SUFU: variants seen among roughly 807,000 people sequenced by gnomAD.
The protein encoded by SUFU is SUFU negative regulator of hedgehog signaling.
A neutral mutation model predicts 58.9 loss-of-function variants in SUFU; 7 were observed. The observed-to-expected ratio is 0.12, with a 90% CI of 0.07 to 0.22. The LOEUF is 0.22. SUFU is among the 10% of genes least tolerant of loss of function. The pLI, the probability that SUFU is intolerant of heterozygous loss-of-function variation, is 1.00. For synonymous variants in SUFU, 232 were observed against 254.8 expected (o/e 0.91, Z 0.85); for missense variants, 451 against 641.3 (o/e 0.70, Z 3.20).
At chr10:102,585,676 TTTTG>T (rs899321554) in intron 3 of SUFU, among the ~76,000 whole-genome samples, 1 of 151,760 alleles carries the variant, frequency 6.6e-6, no homozygotes, top group Non-Finnish European at 1.5e-5. Context: ...CCAGCTAATT[TTTTG>T]TTTGTTTGTT....
rs2063722853 is a variant in SUFU, at chr10:102,619,588, C to A, written c.1296+2160C>A. 2 of 844,526 alleles carry A rather than the reference C, an allele frequency of 2.4e-6. No homozygotes were observed. The highest frequency in any genetic ancestry group is 1.1e-4 in the South Asian group (2 of 19,040). The allele number at this position is 844,526 out of a possible 1,614,324, so 52.3% of individuals were successfully genotyped here. ...CCCACCCTTGATCACCGAGGGGTTT[C>A]TCAGGCCCTTTCCAAGGAGCCCTGG... is the stretch of plus-strand genomic sequence containing the variant. On this transcript the variant is annotated intron_variant, in intron 10 of 11. Transcript: ENST00000369902. The surrounding 1 kb of genome is among the most constrained non-coding windows in gnomAD (Gnocchi z 4.2).
chr10:102,571,894 G>T (rs1024557573), intron 3 of SUFU, among the ~76,000 whole-genome samples: 2 of 152,124 alleles, frequency 1.3e-5, no homozygotes, highest in Admixed American at 1.3e-4. Flanking sequence ...CCCTGGAGAA[G>T]AATATGCTTC....
chr10:102,516,125 C>CTTTTTTTTTTTTTTTTTTTTTTTTTT (rs60544094), intron 2 of SUFU, among the ~76,000 whole-genome samples: 2 of 125,584 alleles, frequency 1.6e-5, no homozygotes, highest in Non-Finnish European at 3.3e-5. Context: ...TCTTTCTTTT[C>CTTTTTTTTTTTTTTTTTTTTTTTTTT]TTTTTTTTTT....
chr10:102,564,457 T>C (rs1296244977), intron 3 of SUFU, among the ~76,000 whole-genome samples: 1 of 152,102 alleles, frequency 6.6e-6, no homozygotes, highest in Non-Finnish European at 1.5e-5. Flanking sequence ...CTCAGATTCC[T>C]GAGTAGCTGG....
At chr10:102,559,862 G>T (rs1047680259) in intron 3 of SUFU, among the ~76,000 whole-genome samples, 4 of 152,158 alleles carry the variant, frequency 2.6e-5, no homozygotes, top group African/African-American at 9.7e-5. Flanking sequence ...TAGGAAAAAC[G>T]TATCTCCCCA....
intron 2 of SUFU, among the ~76,000 whole-genome samples, chr10:102,531,758 G>A (rs2062680113): frequency 6.6e-6 from 1 of 152,150 alleles, no homozygotes; most frequent in Non-Finnish European, 1.5e-5. Context: ...CTAGTGGTTG[G>A]CCTGGCTGTC....
At chr10:102,548,172 T>TA (rs953395775) in intron 2 of SUFU, among the ~76,000 whole-genome samples, 7 of 149,206 alleles carry the variant, frequency 4.7e-5, no homozygotes, top group Non-Finnish European at 1.0e-4. Context: ...ACATAGATGA[T>TA]AGAGAGATAG....
At chr10:102,572,677 C>T in intron 3 of SUFU, 2 of 597,192 alleles carry the variant, frequency 3.3e-6, no homozygotes, top group South Asian at 3.2e-5. Flanking sequence ...TGTGAGTGAG[C>T]CACCATGCCC....
Position 102,619,634 on chromosome 10 carries a change from C to G in SUFU, c.1296+2206C>G, listed in dbSNP as rs1032129777. Among the ~76,000 whole-genome samples, 1 of 152,174 alleles carries G rather than the reference C, an allele frequency of 6.6e-6. No individual in the cohort carries two copies. Among genetic ancestry groups the G allele is most frequent in the Admixed American group, 6.5e-5 (1 of 15,286 alleles). On this transcript the variant is annotated intron_variant, in intron 10 of 11. Coordinates refer to ENST00000369902, the MANE Select transcript of SUFU (RefSeq NM_016169.4). The surrounding 1 kb of genome is among the most constrained non-coding windows in gnomAD (Gnocchi z 4.2). ...CCTGGGAAACCCTCTGACCCTGCCC[C>G]CAGCCGGATTCTCAGCAGTGGAGCC...
chr10:102,568,244 G>A (rs2063113321), intron 3 of SUFU, among the ~76,000 whole-genome samples: 1 of 151,254 alleles, frequency 6.6e-6, no homozygotes, highest in South Asian at 2.1e-4. Context: ...GATTATACAT[G>A]CTGAAAAGAA....
intron 3 of SUFU, among the ~76,000 whole-genome samples, chr10:102,585,346 G>C (rs1396833672): frequency 1.3e-5 from 2 of 152,126 alleles, no homozygotes; most frequent in Non-Finnish European, 2.9e-5. Flanking sequence ...ATTATGACTG[G>C]CTTTTTTCAC....
At chr10:102,543,986 C>G (rs1220525830) in intron 2 of SUFU, among the ~76,000 whole-genome samples, 1 of 152,178 alleles carries the variant, frequency 6.6e-6, no homozygotes, top group South Asian at 2.1e-4. Flanking sequence ...GTAATTTCAG[C>G]TACTCGGGAG....
At position 102,574,639 on chromosome 10, in the gene SUFU, A is replaced by T. The variant is rs915519677; in HGVS notation, c.455-17943A>T. The stretch of plus-strand genomic sequence containing the variant: ...AAAACAGTAATAAAATAAATAAAAG[A>T]TACAAATATAAAATCAAATAAGTAA... On this transcript the variant is annotated intron_variant, in intron 3 of 11. Coordinates refer to ENST00000369902, the MANE Select transcript of SUFU (RefSeq NM_016169.4). 2.6e-5 allele frequency among the ~76,000 whole-genome samples: 4 copies of T among 152,210 alleles called. No homozygotes were observed. The South Asian group carries it at 8.3e-4, about 32-fold the overall frequency.
intron 2 of SUFU, among the ~76,000 whole-genome samples, chr10:102,527,438 C>A (rs1249995960): frequency 6.6e-6 from 1 of 151,624 alleles, no homozygotes; most frequent in Admixed American, 6.6e-5. Flanking sequence ...AGTTGAGTGA[C>A]GGTTTTATTT....
intron 10 of SUFU, among the ~76,000 whole-genome samples, chr10:102,620,203 A>C (rs1280194922): frequency 6.6e-6 from 1 of 152,050 alleles, no homozygotes; most frequent in African/African-American, 2.4e-5. Flanking sequence ...GGAAGCCCTC[A>C]CTCCCAGCCT....
In SUFU at chr10:102,530,791, T is replaced by C. The variant is rs550684720; in HGVS notation, c.318-19179T>C. Among the ~76,000 whole-genome samples the C allele has an allele frequency of 2.0e-5, 3 of 151,932 alleles. No homozygotes were observed. The East Asian group carries it at 5.8e-4, about 30-fold the overall frequency. ...TAATCCCAAGGAAATAACCCAAATA[T>C]GGGAAGGAAACGAGGTAATATGCAC... On this transcript the variant is annotated intron_variant, in intron 2 of 11. Transcript: ENST00000369902.
chr10:102,507,961 ATTTTTTTTTTTTTTT>A (rs3061832), intron 1 of SUFU, among the ~76,000 whole-genome samples: 2 of 116,580 alleles, frequency 1.7e-5, no homozygotes, highest in African/African-American at 6.6e-5. Context: ...TTTCTTATCC[ATTTTTTTTTTTTTTT>A]TTTTTTTTAG....
intron 8 of SUFU, among the ~76,000 whole-genome samples, chr10:102,600,873 G>A (rs1282066932): frequency 1.2e-4 from 18 of 152,162 alleles, no homozygotes; most frequent in Non-Finnish European, 2.5e-4. Flanking sequence ...CCGGCCTGTA[G>A]GTTTCTCCAG....
intron 11 of SUFU, 28 bp downstream of exon 11, chr10:102,627,271 C>G (rs1215176743): frequency 1.9e-6 from 3 of 1,596,850 alleles, no homozygotes; most frequent in South Asian, 1.1e-5. Context: ...TTCCTGACAA[C>G]AGGTCCCGTC....
Sources: gnomAD v4.1 joint callset for allele counts (sites outside exome capture counted in the v4.1 genomes callset) on GRCh38, gnomAD v4.1.1 for gene constraint, Gnocchi (gnomAD v3.1) non-coding constraint, MANE v1.5 for transcripts, NCBI Gene and HGNC (gene_info 2026-07-23, HGNC 2026-07-21) for gene names.